Variants in DLG2 observed in about 807,000 individuals in gnomAD.
The protein encoded by DLG2 is disks large homolog 2.
DLG2 carries 45 observed loss-of-function variants against 132.5 expected under a neutral mutation model. The ratio of observed to expected loss-of-function variants is 0.34; its 90% confidence interval spans 0.27 to 0.44. DLG2 has a LOEUF of 0.44. DLG2 is among the 20% of genes least tolerant of loss of function. DLG2 has a pLI of 1.00. For synonymous variants in DLG2, 424 were observed against 419.6 expected (o/e 1.01, Z -0.13); for missense variants, 1,045 against 1,196.9 (o/e 0.87, Z 1.87).
rs1302015788 is a variant in DLG2 at position 84,989,587 on chromosome 11, A to G, written c.357+122074T>C. 2.6e-5 allele frequency among the ~76,000 whole-genome samples: 4 copies of G among 152,356 alleles called. No individual in the cohort carries two copies. The South Asian group carries it at 8.3e-4, about 32-fold the overall frequency. On this transcript the variant is annotated intron_variant, in intron 6 of 27. Coordinates refer to ENST00000376104, the MANE Select transcript of DLG2 (RefSeq NM_001142699.3). ...ATACAATTACTATCAAAATCTCAGC[A>G]AGACTTTTTGGCTTTGTGGATACAG...
At chr11:84,305,037 AAAG>A (rs1446373044) in intron 7 of DLG2, among the ~76,000 whole-genome samples, 1 of 152,204 alleles carries the variant, frequency 6.6e-6, no homozygotes, top group East Asian at 1.9e-4. Flanking sequence ...TACCAAAGTA[AAAG>A]AAGAAATAAA....
Position 84,613,465 on chromosome 11 carries a change from T to C in DLG2, c.358-78734A>G, listed in dbSNP as rs1009898199. Among the ~76,000 whole-genome samples, 10 of 152,160 alleles carry C rather than the reference T, an allele frequency of 6.6e-5. No individual in the cohort carries two copies. In the South Asian group the frequency reaches 2.1e-3, roughly 32 times the overall value. On this transcript the variant is annotated intron_variant, in intron 6 of 27. Coordinates refer to ENST00000376104, the MANE Select transcript of DLG2 (RefSeq NM_001142699.3). ...TCAGCTTGGACAAGGTATTGGAACCTCTCTGAGATTTGGTTTCTTCAACTG... is the reference window on the plus strand; with the variant it reads ...TCAGCTTGGACAAGGTATTGGAACCCCTCTGAGATTTGGTTTCTTCAACTG...
intron 4 of DLG2, among the ~76,000 whole-genome samples, chr11:85,243,854 A>C (rs759656846): frequency 6.6e-6 from 1 of 151,978 alleles, no homozygotes; most frequent in Non-Finnish European, 1.5e-5. Context: ...ACAGAATGAC[A>C]TGGAAGACAA....
intron 6 of DLG2, among the ~76,000 whole-genome samples, chr11:84,938,674 A>G (rs1310694324): frequency 6.6e-6 from 1 of 152,208 alleles, no homozygotes; most frequent in African/African-American, 2.4e-5. Context: ...GGCAAAATGT[A>G]TATGGAACAA....
At chr11:83,918,921 A>G (rs937024728) in intron 15 of DLG2, among the ~76,000 whole-genome samples, 3 of 152,212 alleles carry the variant, frequency 2.0e-5, no homozygotes, top group African/African-American at 7.2e-5. Context: ...TTAGAAGTCT[A>G]GCGTCAACAT....
intron 6 of DLG2, among the ~76,000 whole-genome samples, chr11:84,535,954 C>A (rs1053408747): frequency 6.9e-6 from 1 of 144,348 alleles, no homozygotes; most frequent in African/African-American, 2.6e-5. Flanking sequence ...TTTTCATATA[C>A]ATATATATAT....
chr11:83,540,060 G>A (rs1048332077), intron 20 of DLG2, among the ~76,000 whole-genome samples: 2 of 152,106 alleles, frequency 1.3e-5, no homozygotes, highest in East Asian at 3.9e-4. Context: ...CAACTAGTGA[G>A]AGGATTTCTT....
intron 4 of DLG2, among the ~76,000 whole-genome samples, chr11:85,189,593 T>A (rs56209112): frequency 0.086 from 13,127 of 152,158 alleles, 715 homozygotes; most frequent in African/African-American, 0.15. Context: ...CTAGATGTGG[T>A]TGGAGAAGGT....
chr11:85,083,414 T>G (rs906111011), intron 6 of DLG2, among the ~76,000 whole-genome samples: 30 of 152,184 alleles, frequency 2.0e-4, no homozygotes, highest in Admixed American at 1.9e-3. Flanking sequence ...CAAAAGTATC[T>G]GAGACTGGTT....
intron 3 of DLG2, among the ~76,000 whole-genome samples, chr11:85,540,499 T>A (rs2081445): frequency 3.9e-5 from 6 of 151,928 alleles, no homozygotes; most frequent in African/African-American, 9.7e-5. Flanking sequence ...TCCATCCCCC[T>A]CTGGCCTCCC....
At chr11:85,168,985 C>T (rs929842201) in intron 4 of DLG2, among the ~76,000 whole-genome samples, 8 of 152,088 alleles carry the variant, frequency 5.3e-5, no homozygotes, top group African/African-American at 1.9e-4. Context: ...CCTCAGTACC[C>T]ATGTGGAGTT....
At chr11:85,191,160 G>GCACA (rs1256970184) in intron 4 of DLG2, among the ~76,000 whole-genome samples, 66 of 101,162 alleles carry the variant, frequency 6.5e-4, no homozygotes, top group South Asian at 3.1e-3. Context: ...GCGCGCACGC[G>GCACA]CGCACACACA....
intron 7 of DLG2, among the ~76,000 whole-genome samples, chr11:84,420,842 GT>G (rs2154464796): frequency 6.7e-6 from 1 of 149,198 alleles, no homozygotes; most frequent in African/African-American, 2.5e-5. Context: ...CTAATTTTTT[GT>G]ATTTTTAGTA....
chr11:84,596,181 C>A (rs1329521210), intron 6 of DLG2, among the ~76,000 whole-genome samples: 1 of 145,650 alleles, frequency 6.9e-6, no homozygotes, highest in Non-Finnish European at 1.5e-5. Flanking sequence ...TTCTTTCCTT[C>A]TTTTCTCTGT....
At chr11:83,586,119 T>C (rs942340642) in intron 19 of DLG2, among the ~76,000 whole-genome samples, 1 of 152,146 alleles carries the variant, frequency 6.6e-6, no homozygotes, top group Non-Finnish European at 1.5e-5. Context: ...AACAGGTGCT[T>C]CAGGACAGCT....
At chr11:84,786,788 A>T (rs1025174830) in intron 6 of DLG2, among the ~76,000 whole-genome samples, 2 of 152,112 alleles carry the variant, frequency 1.3e-5, no homozygotes, top group Non-Finnish European at 2.9e-5. Context: ...CATAGACACA[A>T]AGTTAACTGG....
intron 17 of DLG2, among the ~76,000 whole-genome samples, chr11:83,832,996 T>C (rs986126299): frequency 3.9e-5 from 6 of 152,210 alleles, no homozygotes; most frequent in Admixed American, 6.5e-5. Context: ...ATAAAATAAG[T>C]AATATATCAT....
At chr11:84,598,479 C>A (rs2099568589) in intron 6 of DLG2, among the ~76,000 whole-genome samples, 1 of 152,196 alleles carries the variant, frequency 6.6e-6, no homozygotes, top group African/African-American at 2.4e-5. Flanking sequence ...CCTAATCCAA[C>A]TCAGCTATTT....
At chr11:85,438,010 A>G (rs1218923127) in intron 3 of DLG2, among the ~76,000 whole-genome samples, 3 of 152,230 alleles carry the variant, frequency 2.0e-5, no homozygotes, top group South Asian at 4.1e-4. Flanking sequence ...TGCAGGCTGT[A>G]CAAGTAGCAT....
Sources: allele counts gnomAD v4.1 joint callset (sites outside exome capture counted in the v4.1 genomes callset), GRCh38; gene constraint gnomAD v4.1.1; transcripts MANE v1.5; gene names NCBI Gene and HGNC (gene_info 2026-07-23, HGNC 2026-07-21).